SAMD5: variants seen among roughly 807,000 people sequenced by gnomAD.
The protein encoded by SAMD5 is sterile alpha motif domain-containing protein 5.
A neutral mutation model predicts 11.3 loss-of-function variants in SAMD5; 13 were observed. That is an observed-to-expected ratio of 1.15 (90% CI 0.75 to 1.83). The LOEUF is 1.83. Among genes scored for constraint, SAMD5 ranks in the 40% most tolerant of loss-of-function variants. The pLI is 0.00. For synonymous variants in SAMD5, 129 were observed against 111.3 expected (o/e 1.16, Z -1.00); for missense variants, 255 against 239.1 (o/e 1.07, Z -0.44).
chr6:147,847,588 C>T, the SAMD5 span, among the ~76,000 whole-genome samples: 4 of 152,156 alleles, frequency 2.6e-5, no homozygotes, highest in Non-Finnish European at 4.4e-5. Context: ...TGTGTTGCCT[C>T]ACGCCTGTAA....
chr6:147,687,231 C>T (rs565368176), intron 1 of SAMD5, among the ~76,000 whole-genome samples: 5 of 148,178 alleles, frequency 3.4e-5, no homozygotes, highest in East Asian at 3.9e-4. Flanking sequence ...CTTCATTTAT[C>T]CTCCCTCCCT....
chr6:147,580,669 G>T (rs997384436), intron 1 of SAMD5, among the ~76,000 whole-genome samples: 3 of 152,210 alleles, frequency 2.0e-5, no homozygotes, highest in African/African-American at 4.8e-5. Flanking sequence ...TGTATGGCCA[G>T]TGGTAGCATA....
chr6:147,765,103 G>T, the SAMD5 span, among the ~76,000 whole-genome samples: 1 of 152,070 alleles, frequency 6.6e-6, no homozygotes, highest in Non-Finnish European at 1.5e-5. Context: ...CTACTAAATG[G>T]CTCTGTAAAG....
At chr6:147,878,736 G>A in the SAMD5 span, among the ~76,000 whole-genome samples, 3 of 150,244 alleles carry the variant, frequency 2.0e-5, no homozygotes, top group Non-Finnish European at 4.4e-5. Flanking sequence ...CTATATATAG[G>A]TCCTATTTCT....
intron 1 of SAMD5, among the ~76,000 whole-genome samples, chr6:147,629,071 A>C (rs1326641503): frequency 6.6e-6 from 1 of 152,136 alleles, no homozygotes; most frequent in Non-Finnish European, 1.5e-5. Context: ...TGGGAGGATC[A>C]CCTGAGGTCA....
At chr6:147,622,889 G>A (rs1451324162) in intron 1 of SAMD5, among the ~76,000 whole-genome samples, 1 of 152,122 alleles carries the variant, frequency 6.6e-6, no homozygotes, top group Non-Finnish European at 1.5e-5. Context: ...GTGGTGGCAG[G>A]CAAGAGAGAA....
At chr6:147,766,586 C>T in the SAMD5 span, among the ~76,000 whole-genome samples, 1 of 152,138 alleles carries the variant, frequency 6.6e-6, no homozygotes. Flanking sequence ...GTATCAATAA[C>T]ATGTAAGTAA....
In SAMD5 at chr6:147,545,566, C is replaced by T. The variant is rs533342029; in HGVS notation, c.460-18828C>T. Among the ~76,000 whole-genome samples the T allele has an allele frequency of 7.9e-5, 12 of 151,978 alleles. No homozygotes were observed. The East Asian group carries it at 2.1e-3, about 27-fold the overall frequency. ...GGAGGCTTTTTGCCTGATTTGGGGG[C>T]AGGGGCTGTGGGGGATGGAAATGTA... On this transcript the variant is annotated intron_variant, in intron 1 of 1. Coordinates refer to ENST00000367474, the MANE Select transcript of SAMD5 (RefSeq NM_001030060.3).
intron 1 of SAMD5, among the ~76,000 whole-genome samples, chr6:147,714,449 C>G (rs1016815650): frequency 2.6e-5 from 4 of 152,066 alleles, no homozygotes; most frequent in African/African-American, 9.7e-5. Flanking sequence ...AGTTTCTCCT[C>G]CTTCTATGGA....
At chr6:147,771,016 T>C in the SAMD5 span, among the ~76,000 whole-genome samples, 1 of 152,240 alleles carries the variant, frequency 6.6e-6, no homozygotes, top group African/African-American at 2.4e-5. Context: ...TCTAAAATTC[T>C]ACAACTATTT....
At chr6:147,559,412 A>G (rs545070231) in intron 1 of SAMD5, among the ~76,000 whole-genome samples, 1 of 152,152 alleles carries the variant, frequency 6.6e-6, no homozygotes, top group Non-Finnish European at 1.5e-5. Context: ...TTTTCTGAAG[A>G]AAAAGCAGTA....
At chr6:147,945,298 C>T in the SAMD5 span, among the ~76,000 whole-genome samples, 2 of 152,194 alleles carry the variant, frequency 1.3e-5, no homozygotes, top group African/African-American at 4.8e-5. Flanking sequence ...CCAGAACTGA[C>T]CTCTATCTTC....
At chr6:147,584,490 A>G (rs1293673666) in intron 1 of SAMD5, among the ~76,000 whole-genome samples, 1 of 152,186 alleles carries the variant, frequency 6.6e-6, no homozygotes, top group Non-Finnish European at 1.5e-5. Flanking sequence ...GGCTCAGCCC[A>G]TGTCCTCCCC....
the SAMD5 span, among the ~76,000 whole-genome samples, chr6:147,838,715 G>C: frequency 2.0e-5 from 3 of 152,116 alleles, no homozygotes; most frequent in Non-Finnish European, 4.4e-5. Context: ...ACAGATGACA[G>C]ATAAATGAGA....
At chr6:147,929,674 C>A in the SAMD5 span, among the ~76,000 whole-genome samples, 1 of 152,096 alleles carries the variant, frequency 6.6e-6, no homozygotes, top group Non-Finnish European at 1.5e-5. Context: ...TCTACAAATG[C>A]AGACTGATGC....
intron 1 of SAMD5, among the ~76,000 whole-genome samples, chr6:147,591,932 T>C (rs1789460828): frequency 6.6e-6 from 1 of 152,068 alleles, no homozygotes; most frequent in Non-Finnish European, 1.5e-5. Flanking sequence ...CTTCTGTCTC[T>C]AGAAGTCTCC....
At chr6:147,884,225 A>G in the SAMD5 span, among the ~76,000 whole-genome samples, 2 of 152,176 alleles carry the variant, frequency 1.3e-5, no homozygotes, top group Admixed American at 1.3e-4. Flanking sequence ...CTGATAGGGT[A>G]CCATTCTCTA....
chr6:147,852,212 T>C, the SAMD5 span, among the ~76,000 whole-genome samples: 1 of 152,140 alleles, frequency 6.6e-6, no homozygotes, highest in Non-Finnish European at 1.5e-5. Context: ...ATCTGGCATA[T>C]ATAATGTTTC....
chr6:147,674,699 C>T (rs1211835148), intron 1 of SAMD5, among the ~76,000 whole-genome samples: 1 of 152,170 alleles, frequency 6.6e-6, no homozygotes, highest in East Asian at 1.9e-4. Flanking sequence ...TGCTATCATT[C>T]TCTTGTTATT....
Sources: allele counts gnomAD v4.1 joint callset (sites outside exome capture counted in the v4.1 genomes callset), GRCh38; gene constraint gnomAD v4.1.1; transcripts MANE v1.5; gene names NCBI Gene and HGNC (gene_info 2026-07-23, HGNC 2026-07-21).